Variants in CDH18 observed in about 807,000 individuals in gnomAD.
CDH18 encodes the protein cadherin-18.
In CDH18, 31 loss-of-function variants were observed where a neutral mutation model predicts 67.9. The ratio of observed to expected loss-of-function variants is 0.46; its 90% confidence interval spans 0.34 to 0.62. CDH18 has a LOEUF of 0.62. CDH18 is among the 20% of genes least tolerant of loss of function. The probability of loss-of-function intolerance (pLI) is 0.01; values close to 1 mark genes in which losing one functional copy is unlikely to be tolerated. For synonymous variants in CDH18, 362 were observed against 347.2 expected (o/e 1.04, Z -0.48); for missense variants, 890 against 975.5 (o/e 0.91, Z 1.17).
chr5:19,741,161 C>G (rs1423777808), intron 4 of CDH18, among the ~76,000 whole-genome samples: 1 of 99,710 alleles, frequency 1.0e-5, no homozygotes, highest in African/African-American at 3.1e-5. Context: ...TCTATGTCAT[C>G]TATGTATATA....
intron 1 of CDH18, among the ~76,000 whole-genome samples, chr5:20,530,811 C>G (rs1756353933): frequency 6.6e-6 from 1 of 152,002 alleles, no homozygotes; most frequent in Non-Finnish European, 1.5e-5. Flanking sequence ...CAATACCATT[C>G]AGGACACAGG....
At chr5:19,563,680 T>C (rs1173647273) in intron 8 of CDH18, among the ~76,000 whole-genome samples, 1 of 152,216 alleles carries the variant, frequency 6.6e-6, no homozygotes, top group South Asian at 2.1e-4. Context: ...GATAGCAGTA[T>C]AGAACCCTAC....
intron 5 of CDH18, among the ~76,000 whole-genome samples, chr5:19,701,402 C>A (rs1763222808): frequency 6.6e-6 from 1 of 151,736 alleles, no homozygotes; most frequent in African/African-American, 2.4e-5. Context: ...TAGAAACAAA[C>A]AAAAAAATAT....
intron 2 of CDH18, among the ~76,000 whole-genome samples, chr5:20,029,236 G>T (rs1739175862): frequency 6.6e-6 from 1 of 152,136 alleles, no homozygotes; most frequent in Admixed American, 6.5e-5. Flanking sequence ...GTGCATATTA[G>T]TACTGTTTGT....
intron 1 of CDH18, among the ~76,000 whole-genome samples, chr5:20,524,936 G>T (rs999696492): frequency 1.3e-5 from 2 of 152,180 alleles, no homozygotes; most frequent in Non-Finnish European, 2.9e-5. Flanking sequence ...AACAAGGTTA[G>T]AACCCACAGA....
At chr5:19,975,807 T>C (rs1464892829) in intron 2 of CDH18, among the ~76,000 whole-genome samples, 1 of 152,212 alleles carries the variant, frequency 6.6e-6, no homozygotes, top group Admixed American at 6.5e-5. Flanking sequence ...CAAAGTGTCC[T>C]AGTTTACTTC....
At chr5:20,009,195 G>T (rs574116210) in intron 2 of CDH18, among the ~76,000 whole-genome samples, 1 of 152,004 alleles carries the variant, frequency 6.6e-6, no homozygotes. Flanking sequence ...GAAAGCCGAT[G>T]GGAGAAAATG....
At chr5:19,479,723 A>G (rs1380161879) in intron 12 of CDH18, among the ~76,000 whole-genome samples, 1 of 152,130 alleles carries the variant, frequency 6.6e-6, no homozygotes, top group Admixed American at 6.5e-5. Context: ...GGCCTCACCT[A>G]GGTCACCTGC....
intron 1 of CDH18, among the ~76,000 whole-genome samples, chr5:20,466,961 T>C (rs560466462): frequency 6.6e-6 from 1 of 152,126 alleles, no homozygotes; most frequent in Non-Finnish European, 1.5e-5. Context: ...ATTATGGCCT[T>C]GTTGCAGGAA....
intron 2 of CDH18, among the ~76,000 whole-genome samples, chr5:19,875,304 C>T (rs1786815561): frequency 6.6e-6 from 1 of 152,066 alleles, no homozygotes; most frequent in Admixed American, 6.6e-5. Flanking sequence ...AGAGAAGTGA[C>T]TAAACTTAGC....
chr5:20,377,847 T>C (rs1743586246), intron 1 of CDH18, among the ~76,000 whole-genome samples: 3 of 152,210 alleles, frequency 2.0e-5, no homozygotes, highest in Non-Finnish European at 1.5e-5. Context: ...ATAAAGATGC[T>C]ATGACTCAGA....
chr5:19,590,358 G>A (rs1261813944), intron 7 of CDH18, among the ~76,000 whole-genome samples: 1 of 151,982 alleles, frequency 6.6e-6, no homozygotes. Flanking sequence ...CCCCATGGTA[G>A]TATTCAACAG....
chr5:20,215,433 A>AAAATAAAT lies in CDH18; in HGVS notation c.-518+40003_-518+40010dup, dbSNP rs556518313. Among the ~76,000 whole-genome samples the AAAATAAAT allele has an allele frequency of 5.5e-4, 69 of 125,938 alleles. 1 individual carries two copies. Among genetic ancestry groups the AAAATAAAT allele is most frequent in the South Asian group, 1.2e-3 (5 of 4,004 alleles). 82.6% of individuals were successfully genotyped at this position (125,938 alleles called of 152,430 possible). A position where few individuals can be genotyped will look rare whatever the true frequency, so the allele number is the denominator to read the frequency against. On this transcript the variant is annotated intron_variant, in intron 2 of 14. Transcript: ENST00000507958. ...TAATTTGTGAAGCTCTTCCATCCAA[A>AAAATAAAT]AAATAAATAAATAAATAAATAAATA...
intron 7 of CDH18, among the ~76,000 whole-genome samples, chr5:19,579,905 C>T (rs1024957652): frequency 6.6e-6 from 1 of 151,550 alleles, no homozygotes; most frequent in Non-Finnish European, 1.5e-5. Flanking sequence ...TCCACCCCCC[C>T]CAAAGAAATA....
chr5:20,434,814 A>G (rs1346353299), intron 1 of CDH18, among the ~76,000 whole-genome samples: 1 of 151,960 alleles, frequency 6.6e-6, no homozygotes, highest in East Asian at 1.9e-4. Flanking sequence ...CAGAGACGCC[A>G]CAAGCATTCA....
intron 2 of CDH18, among the ~76,000 whole-genome samples, chr5:20,226,952 A>T (rs1313295641): frequency 6.6e-6 from 1 of 152,042 alleles, no homozygotes; most frequent in African/African-American, 2.4e-5. Flanking sequence ...TTAAGGTCTT[A>T]CTTACTCTGT....
intron 7 of CDH18, among the ~76,000 whole-genome samples, chr5:19,589,288 G>A (rs1157766412): frequency 6.6e-6 from 1 of 152,056 alleles, no homozygotes; most frequent in Admixed American, 6.6e-5. Flanking sequence ...CTCCTGAACA[G>A]CGTCCCTTGG....
intron 2 of CDH18, among the ~76,000 whole-genome samples, chr5:20,062,693 G>A (rs1050938199): frequency 1.3e-5 from 2 of 152,114 alleles, no homozygotes; most frequent in African/African-American, 4.8e-5. Flanking sequence ...TCAAAAGAGA[G>A]AAAGAAGTTT....
chr5:20,079,117 A>G (rs2150537880), intron 2 of CDH18, among the ~76,000 whole-genome samples: 1 of 152,238 alleles, frequency 6.6e-6, no homozygotes, highest in African/African-American at 2.4e-5. Flanking sequence ...ATCCACTATC[A>G]TTAACTATAG....
Sources: gnomAD v4.1 joint callset for allele counts (sites outside exome capture counted in the v4.1 genomes callset) on GRCh38, gnomAD v4.1.1 for gene constraint, MANE v1.5 for transcripts, NCBI Gene and HGNC (gene_info 2026-07-23, HGNC 2026-07-21) for gene names.